The following MCF2L variants were observed in gnomAD, a reference collection of about 807,000 sequenced individuals.
The protein encoded by MCF2L is MCF.2 cell line derived transforming sequence like.
A neutral mutation model predicts 153.4 loss-of-function variants in MCF2L; 97 were observed. The observed-to-expected ratio is 0.63, with a 90% CI of 0.54 to 0.75. The LOEUF (loss-of-function observed/expected upper bound fraction) is 0.75. Among genes scored for constraint, MCF2L ranks in the 30% least tolerant of loss-of-function variants. The pLI is 0.00. For missense variants in MCF2L, 1,347 were observed against 1,495.2 expected (o/e 0.90, Z 1.64); for synonymous variants, 659 against 632.2 (o/e 1.04, Z -0.64).
chr13:113,081,779 AGGT>A (rs1470183663), intron 16 of MCF2L, among the ~76,000 whole-genome samples: 1 of 152,206 alleles, frequency 6.6e-6, no homozygotes, highest in Non-Finnish European at 1.5e-5. Context: ...GAGTGTGCAC[AGGT>A]GGTGGTCACT....
At chr13:112,914,406 TC>T (rs2081268765) in intron 2 of MCF2L, among the ~76,000 whole-genome samples, 1 of 152,200 alleles carries the variant, frequency 6.6e-6, no homozygotes, top group Non-Finnish European at 1.5e-5. Flanking sequence ...CTGTATTCAC[TC>T]GTCTCTGCTG....
Position 113,086,154 on chromosome 13 carries a change from G to C in MCF2L, c.2278G>C (p.Gly760Arg). 2 of 1,610,168 alleles carry C rather than the reference G, an allele frequency of 1.2e-6. No individual in the cohort carries two copies. Among genetic ancestry groups the C allele is most frequent in the Non-Finnish European group, 1.7e-6 (2 of 1,178,404 alleles). The change falls in exon 21 of 30, where the codon GGG (glycine) becomes CGG (arginine). Residue 760 changes from glycine (G) to arginine (R), a missense_variant. Gly to Arg is a moderately radical substitution (Grantham distance 125, BLOSUM62 -2). This residue lies in a region of MCF2L where 144 missense variants were observed against 238.7 expected (regional missense o/e 0.60). Transcript: ENST00000535094. ...GCTGAAATACAGCAGGAACTGCGAGGGGGCTGAGGACCTGCAGGAGGCGCT... is the reference window on the plus strand; with the variant it reads ...GCTGAAATACAGCAGGAACTGCGAGCGGGCTGAGGACCTGCAGGAGGCGCT... The part of the protein sequence containing the change: ...EMLKYSRNCE[G>R]AEDLQEALSS...
At chr13:112,908,733 T>G (rs913017550) in intron 2 of MCF2L, among the ~76,000 whole-genome samples, 12 of 9,442 alleles carry the variant, frequency 1.3e-3, no homozygotes, top group Admixed American at 2.4e-3. Flanking sequence ...TTTGTTTTGG[T>G]TTTTTTTTGT....
chr13:112,924,964 A>C (rs2081388195), intron 2 of MCF2L, among the ~76,000 whole-genome samples: 1 of 152,240 alleles, frequency 6.6e-6, no homozygotes, highest in African/African-American at 2.4e-5. Context: ...GGCAGCATGT[A>C]AATTTCGTGC....
rs187199217 is a variant in MCF2L, at chr13:112,942,824, C to T, written c.169+40453C>T. Among the ~76,000 whole-genome samples, 66 of 152,278 alleles carry T rather than the reference C, an allele frequency of 4.3e-4. 1 individual carries two copies. Among genetic ancestry groups the T allele is most frequent in the African/African-American group, 1.6e-3 (65 of 41,562 alleles). Reference sequence around the variant, plus strand: ...CCTATTGTGGGTGACTTAACATTCTCTCCACCCACCTGGTAGGCGTGGCCA... The same window carrying T: ...CCTATTGTGGGTGACTTAACATTCTTTCCACCCACCTGGTAGGCGTGGCCA... On this transcript the variant is annotated intron_variant, in intron 2 of 29. Transcript: ENST00000375608.
At chr13:113,022,764 G>A (rs979331843) in intron 2 of MCF2L, among the ~76,000 whole-genome samples, 3 of 152,238 alleles carry the variant, frequency 2.0e-5, no homozygotes, top group Admixed American at 6.5e-5. Context: ...GGGGCTTTGA[G>A]CCCCCACCGC....
At chr13:112,918,481 A>G (rs1445111432) in intron 2 of MCF2L, among the ~76,000 whole-genome samples, 1 of 152,194 alleles carries the variant, frequency 6.6e-6, no homozygotes, top group African/African-American at 2.4e-5. Context: ...GTTGGGTTGC[A>G]TATGGAGAGA....
intron 2 of MCF2L, among the ~76,000 whole-genome samples, chr13:112,953,112 T>C (rs892205914): frequency 5.9e-5 from 9 of 152,206 alleles, no homozygotes; most frequent in Non-Finnish European, 1.3e-4. Context: ...ATGGCCTCTG[T>C]TTACTTCAAG....
chr13:113,082,559 G>A lies in MCF2L; in HGVS notation c.1991+17G>A, dbSNP rs150734638. On this transcript the variant is annotated intron_variant, in intron 17 of 29. Coordinates refer to ENST00000535094, the MANE Select transcript of MCF2L (RefSeq NM_001112732.3). Reference sequence around the variant, plus strand: ...CCACAACAGGTGGGCCCTTCCCCCCGACACAGGCACGCACCCGTGATCTCT... The same window carrying A: ...CCACAACAGGTGGGCCCTTCCCCCCAACACAGGCACGCACCCGTGATCTCT... The A allele has an allele frequency of 3.6e-3, 5,477 of 1,529,320 alleles. 37 individuals are homozygous for A. The highest frequency in any genetic ancestry group is 0.031 in the African/African-American group (2,297 of 73,318). The allele number at this position is 1,529,320 out of a possible 1,614,324, so 94.7% of individuals were successfully genotyped here.
At chr13:112,895,782 G>A (rs957846936) in intron 1 of MCF2L, among the ~76,000 whole-genome samples, 11 of 152,200 alleles carry the variant, frequency 7.2e-5, no homozygotes, top group Non-Finnish European at 1.0e-4. Flanking sequence ...CTGTGGGGCC[G>A]GCTCCGCCCT....
At chr13:112,900,328 G>A (rs2081107761) in intron 1 of MCF2L, among the ~76,000 whole-genome samples, 1 of 152,274 alleles carries the variant, frequency 6.6e-6, no homozygotes, top group Non-Finnish European at 1.5e-5. Context: ...GCCCGGACAA[G>A]GTGGTGAGCA....
intron 11 of MCF2L, among the ~76,000 whole-genome samples, chr13:113,075,711 C>G (rs112778050): frequency 6.6e-6 from 1 of 152,156 alleles, no homozygotes; most frequent in Non-Finnish European, 1.5e-5. Flanking sequence ...TCTCCAGGCC[C>G]CGCCCTGGGT....
At chr13:112,975,022 G>A (rs951536084) in intron 1 of MCF2L, among the ~76,000 whole-genome samples, 1 of 152,156 alleles carries the variant, frequency 6.6e-6, no homozygotes, top group Non-Finnish European at 1.5e-5. Flanking sequence ...GTCAGCTCAC[G>A]TCACCATCCG....
rs1295412176 is a variant in MCF2L, at chr13:113,025,495, TCGGGGCAGAG to T, written c.278+738_278+747del. ...ATGGTGGGGTCCCCGTGACTGTGGG[TCGGGGCAGAG>T]TCTCTGTGAGGTTTCATCATCGTGG... On this transcript the variant is annotated intron_variant, in intron 3 of 29. Coordinates refer to ENST00000535094, the MANE Select transcript of MCF2L (RefSeq NM_001112732.3). 1.3e-3 allele frequency among the ~76,000 whole-genome samples: 57 copies of T among 44,958 alleles called. 13 individuals are homozygous for T. The highest frequency in any genetic ancestry group is 1.5e-3 in the Non-Finnish European group (35 of 23,814). 29.5% of individuals were successfully genotyped at this position (44,958 alleles called of 152,430 possible). A position where few individuals can be genotyped will look rare whatever the true frequency, so the allele number is the denominator to read the frequency against.
intron 25 of MCF2L, 40 bp downstream of exon 25, chr13:113,088,668 G>A (rs745956464): frequency 1.9e-6 from 3 of 1,581,694 alleles, no homozygotes; most frequent in Non-Finnish European, 2.6e-6. Flanking sequence ...CGTTTCTGGA[G>A]CAGTCCCGAG....
chr13:113,061,999 G>T (rs1457824830), intron 5 of MCF2L, among the ~76,000 whole-genome samples: 1 of 148,036 alleles, frequency 6.8e-6, no homozygotes, highest in African/African-American at 2.5e-5. Flanking sequence ...CCTGGTGCCT[G>T]GCCTGGGGCA....
In MCF2L at chr13:113,070,858, G is replaced by A. The variant is rs1019654343; in HGVS notation, c.996+685G>A. On this transcript the variant is annotated intron_variant, in intron 9 of 29. Coordinates refer to ENST00000535094, the MANE Select transcript of MCF2L (RefSeq NM_001112732.3). The surrounding 1 kb of genome is among the most constrained non-coding windows in gnomAD (Gnocchi z 5.6). ...GTTGAAGGGTATCTGGGTTGTTTCC[G>A]GATTTGAGTATTACAGATAAAGCTG... Among the ~76,000 whole-genome samples the A allele has an allele frequency of 4.6e-5, 7 of 152,166 alleles. No homozygotes were observed. The highest frequency in any genetic ancestry group is 6.5e-5 in the Admixed American group (1 of 15,280).
intron 15 of MCF2L, among the ~76,000 whole-genome samples, chr13:113,079,911 G>GGAGGAGAGTCCAGGCAGAGGAGTGTCCA (rs2033941140): frequency 1.1e-5 from 1 of 93,744 alleles, no homozygotes; most frequent in South Asian, 3.6e-4. Context: ...GGGAGTGTTC[G>GGAGGAGAGTCCAGGCAGAGGAGTGTCCA]TATGGAGGAG....
intron 3 of MCF2L, among the ~76,000 whole-genome samples, chr13:113,039,087 C>T (rs1425407362): frequency 6.6e-6 from 1 of 152,168 alleles, no homozygotes; most frequent in African/African-American, 2.4e-5. Flanking sequence ...TCTCGATCTC[C>T]TGACCTCATG....
Sources: allele counts gnomAD v4.1 joint callset (sites outside exome capture counted in the v4.1 genomes callset), GRCh38; gene constraint gnomAD v4.1.1; regional missense constraint gnomAD v4.1.1; non-coding constraint Gnocchi (gnomAD v3.1); transcripts MANE v1.5; gene names NCBI Gene and HGNC (gene_info 2026-07-23, HGNC 2026-07-21).